Variants in ANKS1B observed in about 807,000 individuals in gnomAD.
ANKS1B encodes the protein ankyrin repeat and sterile alpha motif domain-containing protein 1B.
Under a neutral mutation model 148.3 loss-of-function variants are expected in ANKS1B, and 36 were observed. The ratio of observed to expected loss-of-function variants is 0.24; its 90% CI spans 0.19 to 0.32. ANKS1B has a LOEUF of 0.32. Ranked by LOEUF, ANKS1B falls within the 10% of genes least tolerant of loss-of-function variation. The pLI is 1.00. For synonymous variants in ANKS1B, 542 were observed against 560.8 expected (o/e 0.97, Z 0.47); for missense variants, 1,157 against 1,542.6 (o/e 0.75, Z 4.19).
At chr12:99,098,769 C>G (rs890301460) in intron 15 of ANKS1B, among the ~76,000 whole-genome samples, 3 of 146,180 alleles carry the variant, frequency 2.1e-5, no homozygotes, top group African/African-American at 8.0e-5. Flanking sequence ...TTCCCCCCCC[C>G]ACCCCCAGCT....
At chr12:99,920,908 C>A (rs375950427) in intron 1 of ANKS1B, among the ~76,000 whole-genome samples, 1 of 152,298 alleles carries the variant, frequency 6.6e-6, no homozygotes, top group East Asian at 1.9e-4. Flanking sequence ...ATGTTAATCT[C>A]TTCCAGAAAC....
At chr12:99,096,524 G>A (rs2056188413) in intron 15 of ANKS1B, among the ~76,000 whole-genome samples, 1 of 152,138 alleles carries the variant, frequency 6.6e-6, no homozygotes, top group Admixed American at 6.5e-5. Context: ...ACCCCACGAA[G>A]GGCTAAACTA....
At chr12:99,424,327 G>A (rs536893295) in intron 11 of ANKS1B, among the ~76,000 whole-genome samples, 10 of 152,226 alleles carry the variant, frequency 6.6e-5, no homozygotes, top group South Asian at 2.1e-4. Flanking sequence ...AGGCAGAAGC[G>A]TATGTTTTGA....
At chr12:98,988,648 C>T (rs1447183641) in intron 17 of ANKS1B, among the ~76,000 whole-genome samples, 2 of 151,946 alleles carry the variant, frequency 1.3e-5, no homozygotes, top group Non-Finnish European at 2.9e-5. Context: ...TCACATGGTA[C>T]TTATATTTTT....
chr12:98,975,371 T>C (rs993462103), intron 17 of ANKS1B, among the ~76,000 whole-genome samples: 2 of 147,432 alleles, frequency 1.4e-5, no homozygotes, highest in Non-Finnish European at 3.0e-5. Context: ...CCTTCCTGCC[T>C]TCCACCCTTC....
At chr12:99,708,874 C>T (rs1339009160) in intron 8 of ANKS1B, among the ~76,000 whole-genome samples, 1 of 152,052 alleles carries the variant, frequency 6.6e-6, no homozygotes, top group East Asian at 1.9e-4. Flanking sequence ...TTCAGCATAC[C>T]ACAGGTCCTG....
intron 10 of ANKS1B, among the ~76,000 whole-genome samples, chr12:99,461,466 C>T (rs1405011218): frequency 6.6e-6 from 1 of 152,028 alleles, no homozygotes; most frequent in Non-Finnish European, 1.5e-5. Context: ...TGCTAAATCC[C>T]TGAATAAAAT....
intron 11 of ANKS1B, among the ~76,000 whole-genome samples, chr12:99,429,959 G>A (rs539485368): frequency 8.0e-5 from 12 of 150,160 alleles, no homozygotes; most frequent in African/African-American, 1.7e-4. Context: ...GCAAGACTCC[G>A]TCTCAAAAAA....
At chr12:98,770,876 C>T (rs534796188) in intron 25 of ANKS1B, among the ~76,000 whole-genome samples, 53 of 152,266 alleles carry the variant, frequency 3.5e-4, no homozygotes, top group Admixed American at 2.1e-3. Flanking sequence ...TATATGAATA[C>T]GTGATTCCTG....
rs544759004 is a variant in ANKS1B, at chr12:99,559,218, T to G, written c.1273-54577A>C. On this transcript the variant is annotated intron_variant, in intron 9 of 26. Coordinates refer to ENST00000683438, the MANE Select transcript of ANKS1B (RefSeq NM_001352186.2). ...GAAAGATGTTCCTCCTAGTTGCATC[T>G]AGTTGGCCATTTTGGCTCAGATCAG... Among the ~76,000 whole-genome samples the G allele has an allele frequency of 3.3e-5, 5 of 152,270 alleles. No homozygotes were observed. The East Asian group carries it at 9.7e-4, about 29-fold the overall frequency.
intron 14 of ANKS1B, among the ~76,000 whole-genome samples, chr12:99,206,163 A>G (rs2082644905): frequency 6.6e-6 from 1 of 152,172 alleles, no homozygotes; most frequent in African/African-American, 2.4e-5. Flanking sequence ...TATATAACCC[A>G]ATGTGGCACT....
At chr12:99,017,145 A>T (rs1264632490) in intron 17 of ANKS1B, among the ~76,000 whole-genome samples, 1 of 152,204 alleles carries the variant, frequency 6.6e-6, no homozygotes. Flanking sequence ...CAAAATTATT[A>T]CACAAAGAGA....
intron 9 of ANKS1B, among the ~76,000 whole-genome samples, chr12:99,625,651 A>G (rs1255311867): frequency 6.6e-6 from 1 of 152,212 alleles, no homozygotes; most frequent in Non-Finnish European, 1.5e-5. Context: ...AAAAACATAC[A>G]TAGCTGATTT....
At chr12:99,919,360 C>A (rs1253820967) in intron 1 of ANKS1B, among the ~76,000 whole-genome samples, 1 of 152,064 alleles carries the variant, frequency 6.6e-6, no homozygotes, top group African/African-American at 2.4e-5. Context: ...TAGCATCCAG[C>A]AGCTACTTAA....
At chr12:99,774,283 T>C (rs2063456708) in intron 7 of ANKS1B, among the ~76,000 whole-genome samples, 1 of 152,014 alleles carries the variant, frequency 6.6e-6, no homozygotes, top group African/African-American at 2.4e-5. Context: ...CATAACTCAA[T>C]AGCAAAAACA....
chr12:98,954,093 C>T (rs1390038621), intron 17 of ANKS1B, among the ~76,000 whole-genome samples: 1 of 152,206 alleles, frequency 6.6e-6, no homozygotes, highest in African/African-American at 2.4e-5. Flanking sequence ...TGCCTCAGAC[C>T]TGCTGAATTC....
intron 22 of ANKS1B, among the ~76,000 whole-genome samples, chr12:98,795,365 T>C (rs935560834): frequency 6.6e-6 from 1 of 152,218 alleles, no homozygotes; most frequent in African/African-American, 2.4e-5. Context: ...TGGACTGTTT[T>C]GAGCTGGTTT....
chr12:99,009,934 C>G (rs560696270), intron 17 of ANKS1B, among the ~76,000 whole-genome samples: 40 of 152,152 alleles, frequency 2.6e-4, no homozygotes, highest in Middle Eastern at 3.4e-3. Context: ...AACAGTGTCC[C>G]ACTTCAATTA....
At chr12:98,763,346 G>A (rs1011025811) in intron 25 of ANKS1B, among the ~76,000 whole-genome samples, 1 of 152,132 alleles carries the variant, frequency 6.6e-6, no homozygotes, top group African/African-American at 2.4e-5. Flanking sequence ...TTCATAGATT[G>A]TACAGAAATA....
Sources: allele counts gnomAD v4.1 joint callset (sites outside exome capture counted in the v4.1 genomes callset), GRCh38; gene constraint gnomAD v4.1.1; transcripts MANE v1.5; gene names NCBI Gene and HGNC (gene_info 2026-07-23, HGNC 2026-07-21).